PRKD2: variants seen among roughly 807,000 people sequenced by gnomAD.
PRKD2 encodes the protein protein kinase D2, also known as serine/threonine-protein kinase D2.
PRKD2 carries 22 observed loss-of-function variants against 86.0 expected under a neutral mutation model. That is an observed-to-expected ratio of 0.26 (90% CI 0.18 to 0.37). The LOEUF is 0.37. PRKD2 is among the 10% of genes least tolerant of loss of function. The pLI is 1.00. For missense variants in PRKD2, 818 were observed against 1,199.2 expected, an observed-to-expected ratio of 0.68 and a Z score of 4.70; for synonymous variants, 509 against 510.9, an observed-to-expected ratio of 1.00 and a Z score of 0.05.
chr19:46,678,259 T>C lies in PRKD2; in HGVS notation c.2338+137A>G. The C allele has an allele frequency of 3.7e-6, 5 of 1,346,554 alleles. No homozygotes were observed. Among genetic ancestry groups the C allele is most frequent in the East Asian group, 2.5e-5 (1 of 39,818 alleles). The allele number at this position is 1,346,554 out of a possible 1,614,324, so 83.4% of individuals were successfully genotyped here. ...TCCTCCTGTAGCCACATCCCTCCAGTAGGCCCGCCCCAGCACTGGGCTCCA... is the reference window on the plus strand; with the variant it reads ...TCCTCCTGTAGCCACATCCCTCCAGCAGGCCCGCCCCAGCACTGGGCTCCA... On this transcript the variant is annotated intron_variant, in intron 16 of 17. Coordinates refer to ENST00000291281, the MANE Select transcript of PRKD2 (RefSeq NM_016457.5). The surrounding 1 kb of genome is among the most constrained non-coding windows in gnomAD (Gnocchi z 5.7).
chr19:46,697,055 G>T, intron 9 of PRKD2, 102 bp downstream of exon 9: 2 of 981,004 alleles, frequency 2.0e-6, no homozygotes, highest in Non-Finnish European at 3.3e-6. Flanking sequence ...CAGAGGGTGT[G>T]ATTTGCAGGA....
At chr19:46,686,708 T>C (rs2053403467) in intron 14 of PRKD2, among the ~76,000 whole-genome samples, 1 of 150,658 alleles carries the variant, frequency 6.6e-6, no homozygotes, top group South Asian at 2.1e-4. Context: ...TCCCAGCACT[T>C]TGGGAGGCCG....
chr19:46,681,664 C>A lies in PRKD2; in HGVS notation c.2056G>T (p.Asp686Tyr). ...KPENVLLASA[D>Y]PFPQVKLCDF... The stretch of plus-strand genomic sequence containing the variant: ...ACATAACTGACCTGAGGAAATGGGT[C>A]TGCTGATGCCAGCAACACGTTTTCT... The change falls in exon 15 of 18, where the codon GAC (aspartate) becomes TAC (tyrosine). Residue 686 changes from aspartate (D) to tyrosine (Y), a missense_variant. This residue lies in a region of PRKD2 where 154 missense variants were observed against 359.6 expected (regional missense o/e 0.43). Transcript: ENST00000291281. 6.5e-7 allele frequency: 1 copy of A among 1,530,130 alleles called. No homozygotes were observed. Among genetic ancestry groups the A allele is most frequent in the South Asian group, 1.1e-5 (1 of 90,038 alleles). 94.8% of individuals were successfully genotyped at this position (1,530,130 alleles called of 1,614,324 possible).
Position 46,697,773 on chromosome 19 carries a change from C to T in PRKD2, c.1199G>A (p.Arg400Gln), listed in dbSNP as rs1323724325. 1.2e-6 allele frequency: 2 copies of T among 1,614,026 alleles called. No individual in the cohort carries two copies. Among genetic ancestry groups the T allele is most frequent in the Admixed American group, 3.3e-5 (2 of 59,992 alleles). Residue 400 changes from arginine (R) to glutamine (Q), a missense_variant, in exon 8 of 18, where the codon CGG (arginine) becomes CAG (glutamine). Transcript: ENST00000291281. ...GCTGTAATGAACCACCCAACCCTCC[C>T]GCAGCGTGGTGCTGGATTTCCGCGT... is the stretch of plus-strand genomic sequence containing the variant. ...HTTRKSSTTL[R>Q]EGWVVHYSNK...
rs1216877513 is a variant in PRKD2, at chr19:46,711,025, G to C, written c.393C>G (p.Phe131Leu). 2 of 1,581,704 alleles carry C rather than the reference G, an allele frequency of 1.3e-6. No individual in the cohort carries two copies. The highest frequency in any genetic ancestry group is 1.8e-5 in the Admixed American group (1 of 54,978). Reference protein sequence around the residue: ...VEVVLSASATFEDFQIRPHAL... With the variant: ...VEVVLSASATLEDFQIRPHAL... ...CGTGCGGGCGGATCTGGAAGTCCTC[G>C]AAGGTGGCCGAGGCTGTAGGCGGAA... is the stretch of plus-strand genomic sequence containing the variant. The change falls in exon 3 of 18, where the codon TTC becomes TTG. Residue 131 changes from phenylalanine to leucine, a missense_variant. Phe to Leu is a conservative substitution (Grantham distance 22). Coordinates refer to ENST00000291281, the MANE Select transcript of PRKD2 (RefSeq NM_016457.5).
chr19:46,707,546 C>T (rs572933544), intron 3 of PRKD2, among the ~76,000 whole-genome samples: 13 of 152,210 alleles, frequency 8.5e-5, no homozygotes, highest in Non-Finnish European at 4.4e-5. Context: ...GCCAAGACCA[C>T]GCCACTGCAC....
At chr19:46,701,645 C>T (rs2053636774) in intron 5 of PRKD2, among the ~76,000 whole-genome samples, 1 of 148,386 alleles carries the variant, frequency 6.7e-6, no homozygotes, top group African/African-American at 2.5e-5. Flanking sequence ...TGAGCCACCG[C>T]GCCCGACTTG....
At chr19:46,675,177 T>A in intron 16 of PRKD2, 59 bp from the exon 17 acceptor site, 3 of 1,448,194 alleles carry the variant, frequency 2.1e-6, no homozygotes, top group Non-Finnish European at 2.9e-6. Flanking sequence ...CCTCCTCCAA[T>A]AGGCACCCCC....
chr19:46,700,914 C>T lies in PRKD2; in HGVS notation c.1006G>A (p.Asp336Asn). The change falls in exon 7 of 18, where the codon GAC (aspartate) becomes AAC (asparagine). Residue 336 changes from aspartate to asparagine, a missense_variant. Physicochemically the swap from Asp to Asn is conservative, Grantham distance 23. Around this residue, in one of 5 missense-constraint regions of PRKD2, gnomAD observed 403 missense variants for 518.6 expected, o/e 0.78. Transcript: ENST00000291281. ...MEEATDFSEA[D>N]KSALMDESED... ...GACTCATCCATGAGGGCGCTCTTGT[C>T]AGCCTCGCTGAAATCGGTGGCCTCC... 3 of 1,614,262 alleles carry T rather than the reference C, an allele frequency of 1.9e-6. No homozygotes were observed. Among genetic ancestry groups the T allele is most frequent in the Non-Finnish European group, 8.5e-7 (1 of 1,180,040 alleles).
At chr19:46,707,599 A>C (rs991914913) in intron 3 of PRKD2, among the ~76,000 whole-genome samples, 20 of 151,978 alleles carry the variant, frequency 1.3e-4, no homozygotes, top group African/African-American at 4.4e-4. Context: ...CACACACACA[A>C]AACAATGGAG....
intron 3 of PRKD2, among the ~76,000 whole-genome samples, chr19:46,708,812 G>T (rs1406848368): frequency 6.6e-6 from 1 of 152,090 alleles, no homozygotes; most frequent in Non-Finnish European, 1.5e-5. Context: ...AGCCACGCAG[G>T]GTGGTATTTT....
intron 9 of PRKD2, 119 bp downstream of exon 9, chr19:46,697,038 G>A (rs988265180): frequency 2.4e-6 from 2 of 842,706 alleles, no homozygotes; most frequent in Non-Finnish European, 4.0e-6. Flanking sequence ...GGGAGGCTGG[G>A]GGTGGGCAGA....
At position 46,678,672 on chromosome 19, in the gene PRKD2, G is replaced by C; in HGVS notation, c.2071-9C>G. 1 of 1,598,894 alleles carries C rather than the reference G, an allele frequency of 6.3e-7. No individual in the cohort carries two copies. Among genetic ancestry groups the C allele is most frequent in the Non-Finnish European group, 8.5e-7 (1 of 1,177,560 alleles). ...AAGTCACACAGCTTCACCTGCAGAG[G>C]GCAAGGGATGGAGGCTCCACCAGGT... On this transcript the variant is annotated splice_polypyrimidine_tract_variant and intron_variant, in intron 15 of 17. Coordinates refer to ENST00000291281, the MANE Select transcript of PRKD2 (RefSeq NM_016457.5). This position sits in a 1 kb window ranked among gnomAD's most constrained non-coding sequence, Gnocchi z 5.7.
chr19:46,695,711 G>C (rs1599827123), intron 9 of PRKD2, among the ~76,000 whole-genome samples: 1 of 152,172 alleles, frequency 6.6e-6, no homozygotes, highest in Non-Finnish European at 1.5e-5. Context: ...ACTATGGGGT[G>C]GGAAACGTGT....
intron 3 of PRKD2, chr19:46,710,638 C>A: frequency 2.2e-6 from 1 of 452,090 alleles, no homozygotes; most frequent in African/African-American, 1.9e-5. Context: ...TTCTGCTCCC[C>A]TAGGCTCTGT....
intron 3 of PRKD2, chr19:46,710,503 A>G (rs1300445771): frequency 1.2e-5 from 2 of 164,084 alleles, no homozygotes; most frequent in African/African-American, 2.4e-5. Context: ...TGAGTTGCCT[A>G]GCCAGCCCAC....
chr19:46,691,736 T>C lies in PRKD2; in HGVS notation c.1701A>G (p.Gly567=). ...GGGTTAGCTCTGAAGTGTCCTCACCTCCATAGACCACTCCAAACTGCCCTG... is the reference window on the plus strand; with the variant it reads ...GGGTTAGCTCTGAAGTGTCCTCACCCCCATAGACCACTCCAAACTGCCCTG... ...LGSGQFGVVY[G]GKHRKTGRDV... Residue 567 remains glycine, a splice_region_variant and synonymous_variant, in exon 12 of 18, where the codon GGA becomes GGG. Transcript: ENST00000291281. 1 of 1,612,296 alleles carries C rather than the reference T, an allele frequency of 6.2e-7. No individual in the cohort carries two copies. Among genetic ancestry groups the C allele is most frequent in the Non-Finnish European group, 8.5e-7 (1 of 1,179,916 alleles).
chr19:46,713,483 C>A (rs1215874168), intron 2 of PRKD2, among the ~76,000 whole-genome samples: 1 of 152,108 alleles, frequency 6.6e-6, no homozygotes, highest in Non-Finnish European at 1.5e-5. Context: ...AAGTGCACAG[C>A]TCAATGAATT....
chr19:46,678,288 C>A lies in PRKD2; in HGVS notation c.2338+108G>T, dbSNP rs867339595. 1.1e-5 allele frequency: 17 copies of A among 1,486,216 alleles called. No individual in the cohort carries two copies. Among genetic ancestry groups the A allele is most frequent in the South Asian group, 3.9e-5 (3 of 76,110 alleles). The allele number at this position is 1,486,216 out of a possible 1,614,324, so 92.1% of individuals were successfully genotyped here. A position where few individuals can be genotyped will look rare whatever the true frequency, so the allele number is the denominator to read the frequency against. ...CCCGCCCCAGCACTGGGCTCCACCC[C>A]CAAGGTGCCAGGCTGTTTCCGGGTC... On this transcript the variant is annotated intron_variant, in intron 16 of 17. Transcript: ENST00000291281. This position sits in a 1 kb window ranked among gnomAD's most constrained non-coding sequence, Gnocchi z 5.7.
Sources: allele counts gnomAD v4.1 joint callset (sites outside exome capture counted in the v4.1 genomes callset), GRCh38; gene constraint gnomAD v4.1.1; regional missense constraint gnomAD v4.1.1; non-coding constraint Gnocchi (gnomAD v3.1); transcripts MANE v1.5; gene names NCBI Gene and HGNC (gene_info 2026-07-23, HGNC 2026-07-21).